The following AGBL1 variants were observed in gnomAD, a reference collection of about 807,000 sequenced individuals.
The protein encoded by AGBL1 is cytosolic carboxypeptidase 4.
In AGBL1, 130 loss-of-function variants were observed where a neutral mutation model predicts 118.9. The observed-to-expected ratio is 1.09, with a 90% CI of 0.95 to 1.26. The LOEUF (loss-of-function observed/expected upper bound fraction) is 1.26. Among genes scored for constraint, AGBL1 ranks in the 50% most tolerant of loss-of-function variants. The pLI, the probability that AGBL1 is intolerant of heterozygous loss-of-function variation, is 0.00. For missense variants in AGBL1, 1,584 were observed against 1,298.1 expected (o/e 1.22, Z -3.38); for synonymous variants, 555 against 478.9 (o/e 1.16, Z -2.08).
At chr15:86,255,193 A>T (rs1317365984) in intron 7 of AGBL1, among the ~76,000 whole-genome samples, 1 of 152,144 alleles carries the variant, frequency 6.6e-6, no homozygotes, top group Non-Finnish European at 1.5e-5. Context: ...TATATCTGAT[A>T]AGCCATCTCT....
intron 18 of AGBL1, among the ~76,000 whole-genome samples, chr15:86,471,801 G>C (rs982497222): frequency 1.3e-5 from 2 of 152,134 alleles, no homozygotes; most frequent in Admixed American, 1.3e-4. Context: ...GATGTAGTAG[G>C]TCGAATGGTG....
At chr15:86,572,000 C>T (rs1434190546) in intron 21 of AGBL1, among the ~76,000 whole-genome samples, 1 of 152,206 alleles carries the variant, frequency 6.6e-6, no homozygotes, top group East Asian at 1.9e-4. Flanking sequence ...CTTGTTGGTG[C>T]ACAAAGTCCT....
chr15:86,559,421 G>C (rs2083781716), intron 21 of AGBL1, among the ~76,000 whole-genome samples: 1 of 152,098 alleles, frequency 6.6e-6, no homozygotes, highest in Non-Finnish European at 1.5e-5. Context: ...TGTTATAACA[G>C]TTCTTATTTT....
At chr15:86,692,624 C>T (rs1198910095) in intron 22 of AGBL1, among the ~76,000 whole-genome samples, 1 of 151,750 alleles carries the variant, frequency 6.6e-6, no homozygotes, top group African/African-American at 2.4e-5. Flanking sequence ...TTTTTATTTC[C>T]ATTGATTTTG....
intron 23 of AGBL1, among the ~76,000 whole-genome samples, chr15:86,933,997 A>T (rs1055721323): frequency 6.6e-6 from 1 of 152,212 alleles, no homozygotes; most frequent in Non-Finnish European, 1.5e-5. Flanking sequence ...ATCATCTCTA[A>T]TGTTCTCCGT....
chr15:86,834,860 T>C (rs758364200), intron 22 of AGBL1, among the ~76,000 whole-genome samples: 1 of 152,186 alleles, frequency 6.6e-6, no homozygotes, highest in Non-Finnish European at 1.5e-5. Context: ...GGGAAGTTAA[T>C]TTCCTTTGGG....
intron 24 of AGBL1, among the ~76,000 whole-genome samples, chr15:87,016,112 T>C (rs1171109305): frequency 1.3e-5 from 2 of 152,216 alleles, no homozygotes; most frequent in Non-Finnish European, 2.9e-5. Context: ...TTTAATTTAA[T>C]GCTTTCCATA....
chr15:86,470,007 C>A (rs2082458829), intron 18 of AGBL1, among the ~76,000 whole-genome samples: 1 of 152,090 alleles, frequency 6.6e-6, no homozygotes, highest in South Asian at 2.1e-4. Context: ...TAAATATATT[C>A]CCCCATTCTG....
intron 17 of AGBL1, among the ~76,000 whole-genome samples, chr15:86,359,074 G>T (rs189705785): frequency 6.6e-6 from 1 of 151,884 alleles, no homozygotes; most frequent in African/African-American, 2.4e-5. Flanking sequence ...TGCTTTAAGA[G>T]TCATATCCAA....
chr15:86,790,454 A>C (rs1205638963), intron 22 of AGBL1, among the ~76,000 whole-genome samples: 1 of 152,044 alleles, frequency 6.6e-6, no homozygotes, highest in East Asian at 1.9e-4. Flanking sequence ...CCTCTATCTT[A>C]ATAGGTGTTT....
chr15:86,590,519 A>G (rs1038890439), intron 21 of AGBL1, among the ~76,000 whole-genome samples: 1 of 152,198 alleles, frequency 6.6e-6, no homozygotes, highest in Non-Finnish European at 1.5e-5. Context: ...CTGTGAGTCA[A>G]TGAAACTTCT....
intron 18 of AGBL1, among the ~76,000 whole-genome samples, chr15:86,438,702 C>T (rs1050014415): frequency 6.8e-6 from 1 of 147,692 alleles, no homozygotes; most frequent in African/African-American, 2.5e-5. Context: ...CGCTCTGTCA[C>T]CCAGGCTGGA....
At chr15:86,528,156 A>T (rs543183734) in intron 19 of AGBL1, among the ~76,000 whole-genome samples, 33 of 152,336 alleles carry the variant, frequency 2.2e-4, no homozygotes, top group Middle Eastern at 6.8e-3. Context: ...AGCGTGAGCG[A>T]CGCAGAAGAC....
chr15:86,170,180 C>T (rs970254662), intron 5 of AGBL1, among the ~76,000 whole-genome samples: 2 of 152,054 alleles, frequency 1.3e-5, no homozygotes, highest in African/African-American at 2.4e-5. Context: ...ATAAGAAAAA[C>T]CCAAATTGAA....
Position 86,262,871 on chromosome 15 carries a change from C to G in AGBL1, c.1063C>G (p.Leu355Val), listed in dbSNP as rs2079015137. The G allele has an allele frequency of 1.9e-6, 3 of 1,608,338 alleles. No homozygotes were observed. The highest frequency in any genetic ancestry group is 2.5e-6 in the Non-Finnish European group (3 of 1,177,298). The change falls in exon 10 of 23, where the codon CTT becomes GTT. Residue 355 changes from leucine to valine, a missense_variant. Physicochemically the swap from Leu to Val is conservative, Grantham distance 32 (BLOSUM62 1). Coordinates refer to ENST00000614907, the MANE Select transcript of AGBL1 (RefSeq NM_001386094.1). Reference sequence around the variant, plus strand: ...ACTGATGCAATATGAGGTGATGTGTCTTGAGCTCTCCTATAGCTTTGAGGT... The same window carrying G: ...ACTGATGCAATATGAGGTGATGTGTGTTGAGCTCTCCTATAGCTTTGAGGT... The part of the protein sequence containing the change: ...EELMQYEVMC[L>V]ELSYSFEELQ...
intron 20 of AGBL1, among the ~76,000 whole-genome samples, chr15:86,546,804 A>G (rs887348116): frequency 2.0e-5 from 3 of 152,204 alleles, no homozygotes; most frequent in Non-Finnish European, 4.4e-5. Context: ...AAAGGCAACA[A>G]GCTATTGCAT....
chr15:86,752,656 C>T (rs2077872717), intron 22 of AGBL1, among the ~76,000 whole-genome samples: 1 of 152,070 alleles, frequency 6.6e-6, no homozygotes, highest in Non-Finnish European at 1.5e-5. Context: ...ACTCTTTTTA[C>T]TGTTATCTAT....
At chr15:86,795,474 C>T (rs984140540) in intron 22 of AGBL1, among the ~76,000 whole-genome samples, 2 of 151,928 alleles carry the variant, frequency 1.3e-5, no homozygotes, top group Non-Finnish European at 2.9e-5. Context: ...TTGTTTGAGA[C>T]TTAGATCCAA....
rs1026276215 is a variant in AGBL1 at position 86,547,548 on chromosome 15, A to T, written c.2817+1415A>T. On this transcript the variant is annotated intron_variant, in intron 20 of 22. Coordinates refer to ENST00000614907, the MANE Select transcript of AGBL1 (RefSeq NM_001386094.1). The stretch of plus-strand genomic sequence containing the variant: ...GTATTTTAATTTTTGTGAATAATTC[A>T]TACTGTTTAATTAATAAATTCAAAA... 2.6e-5 allele frequency among the ~76,000 whole-genome samples: 4 copies of T among 152,192 alleles called. No homozygotes were observed. The East Asian group carries it at 7.7e-4, about 29-fold the overall frequency.
Sources: allele counts gnomAD v4.1 joint callset (sites outside exome capture counted in the v4.1 genomes callset), GRCh38; gene constraint gnomAD v4.1.1; transcripts MANE v1.5; gene names NCBI Gene and HGNC (gene_info 2026-07-23, HGNC 2026-07-21).